The following SETBP1 variants were observed in gnomAD, a reference collection of about 807,000 sequenced individuals.
The protein encoded by SETBP1 is SET-binding protein.
A neutral mutation model predicts 101.0 loss-of-function variants in SETBP1; 9 were observed. That is an observed-to-expected ratio of 0.09 (90% CI 0.05 to 0.16). The LOEUF (loss-of-function observed/expected upper bound fraction) is 0.16, where lower values mean the gene tolerates loss of function less well. SETBP1 is among the 10% of genes least tolerant of loss of function. The pLI is 1.00. For missense variants in SETBP1, 1,858 were observed against 2,033.8 expected, an observed-to-expected ratio of 0.91 and a Z score of 1.66; for synonymous variants, 818 against 788.5, an observed-to-expected ratio of 1.04 and a Z score of -0.63.
intron 2 of SETBP1, among the ~76,000 whole-genome samples, chr18:44,822,554 A>C (rs2072134171): frequency 6.6e-6 from 1 of 152,238 alleles, no homozygotes; most frequent in Non-Finnish European, 1.5e-5. Flanking sequence ...GCCATAGGGA[A>C]GATGCGTAGA....
chr18:44,801,089 C>CTTGGACA (rs1172337900), intron 2 of SETBP1, among the ~76,000 whole-genome samples: 3 of 152,022 alleles, frequency 2.0e-5, no homozygotes, highest in Non-Finnish European at 4.4e-5. Context: ...AATGAGAACA[C>CTTGGACA]TTGGACATAG....
chr18:44,996,367 C>T (rs1420776343), intron 4 of SETBP1, among the ~76,000 whole-genome samples: 1 of 152,212 alleles, frequency 6.6e-6, no homozygotes, highest in Non-Finnish European at 1.5e-5. Flanking sequence ...AGAAGAGGAA[C>T]TTGTGGGGTG....
At chr18:44,862,088 A>C (rs1165554158) in intron 2 of SETBP1, among the ~76,000 whole-genome samples, 2 of 152,226 alleles carry the variant, frequency 1.3e-5, no homozygotes, top group Non-Finnish European at 2.9e-5. Context: ...CTTGGACAGC[A>C]AGCAAATGTA....
At chr18:44,683,633 A>G (rs527310677) in intron 1 of SETBP1, among the ~76,000 whole-genome samples, 1 of 152,328 alleles carries the variant, frequency 6.6e-6, no homozygotes, top group East Asian at 1.9e-4. Flanking sequence ...ATAGTATGCA[A>G]AAGGAAGCAG....
intron 4 of SETBP1, among the ~76,000 whole-genome samples, chr18:44,974,673 T>A (rs1428697106): frequency 3.3e-5 from 5 of 152,054 alleles, no homozygotes; most frequent in African/African-American, 1.2e-4. Context: ...AAATATATAT[T>A]TGTATATATT....
chr18:44,970,392 C>T (rs1439245611), intron 4 of SETBP1, among the ~76,000 whole-genome samples: 3 of 152,166 alleles, frequency 2.0e-5, no homozygotes, highest in African/African-American at 7.2e-5. Flanking sequence ...AGCAGAATGC[C>T]TGACTCATAG....
At chr18:44,938,187 C>G (rs980221450) in intron 3 of SETBP1, among the ~76,000 whole-genome samples, 5 of 152,204 alleles carry the variant, frequency 3.3e-5, no homozygotes, top group African/African-American at 1.2e-4. Context: ...TGTCTGGCCC[C>G]ACAACCCTGT....
chr18:44,985,624 T>C (rs2072214426), intron 4 of SETBP1, among the ~76,000 whole-genome samples: 1 of 152,254 alleles, frequency 6.6e-6, no homozygotes, highest in African/African-American at 2.4e-5. Flanking sequence ...AACTTAAATC[T>C]ACAGTACAAC....
At chr18:44,881,990 G>A (rs975475817) in intron 3 of SETBP1, among the ~76,000 whole-genome samples, 2 of 152,168 alleles carry the variant, frequency 1.3e-5, no homozygotes, top group Non-Finnish European at 2.9e-5. Context: ...GTAGCTCTGG[G>A]CGGAGAGACT....
intron 2 of SETBP1, among the ~76,000 whole-genome samples, chr18:44,783,396 A>G (rs2071175277): frequency 6.6e-6 from 1 of 152,200 alleles, no homozygotes; most frequent in African/African-American, 2.4e-5. Flanking sequence ...AGGAAATCAG[A>G]AGAAAAGGAA....
chr18:44,907,424 T>A (rs545966231), intron 3 of SETBP1, among the ~76,000 whole-genome samples: 6 of 152,172 alleles, frequency 3.9e-5, no homozygotes, highest in Non-Finnish European at 5.9e-5. Flanking sequence ...TTTGAAAAAA[T>A]TTCCAAACTG....
chr18:44,794,267 T>C (rs1217890029), intron 2 of SETBP1, among the ~76,000 whole-genome samples: 1 of 115,110 alleles, frequency 8.7e-6, no homozygotes, highest in Non-Finnish European at 1.7e-5. Flanking sequence ...GATACAGCTG[T>C]ATTCTTAAAC....
At chr18:44,868,634 G>A (rs1239628419) in intron 2 of SETBP1, among the ~76,000 whole-genome samples, 1 of 151,438 alleles carries the variant, frequency 6.6e-6, no homozygotes, top group Non-Finnish European at 1.5e-5. Flanking sequence ...GACGGAGGTT[G>A]TGGTTAGCCA....
chr18:45,045,827 G>C (rs1251482505), intron 5 of SETBP1, among the ~76,000 whole-genome samples: 1 of 152,108 alleles, frequency 6.6e-6, no homozygotes, highest in East Asian at 1.9e-4. Flanking sequence ...GTAAGAGTTT[G>C]ACAAGTGGGT....
chr18:44,792,794 T>C (rs1484787745), intron 2 of SETBP1, among the ~76,000 whole-genome samples: 1 of 152,190 alleles, frequency 6.6e-6, no homozygotes, highest in Non-Finnish European at 1.5e-5. Context: ...CAGTGTTATC[T>C]AGCTCTGACT....
intron 4 of SETBP1, among the ~76,000 whole-genome samples, chr18:45,003,344 A>C (rs1249586367): frequency 2.0e-5 from 3 of 152,242 alleles, no homozygotes; most frequent in Admixed American, 6.5e-5. Context: ...ACATTTAAAC[A>C]ATGGCAATAT....
chr18:44,940,767 A>G (rs1460829683), intron 3 of SETBP1, among the ~76,000 whole-genome samples: 2 of 152,214 alleles, frequency 1.3e-5, no homozygotes, highest in Admixed American at 1.3e-4. Context: ...CTTAACAAGA[A>G]TAGAATATTT....
intron 4 of SETBP1, among the ~76,000 whole-genome samples, chr18:45,004,877 T>A (rs1279938244): frequency 6.6e-6 from 1 of 152,236 alleles, no homozygotes; most frequent in Non-Finnish European, 1.5e-5. Flanking sequence ...TGTCATTTTT[T>A]AAAACATCAT....
At chr18:44,944,670 C>G (rs1317955590) in intron 3 of SETBP1, among the ~76,000 whole-genome samples, 3 of 152,156 alleles carry the variant, frequency 2.0e-5, no homozygotes, top group Admixed American at 1.3e-4. Context: ...CTCATGTAAT[C>G]CCAAATATCT....
Sources: gnomAD v4.1 joint callset for allele counts (sites outside exome capture counted in the v4.1 genomes callset) on GRCh38, gnomAD v4.1.1 for gene constraint, MANE v1.5 for transcripts, NCBI Gene and HGNC (gene_info 2026-07-23, HGNC 2026-07-21) for gene names.